Variants in FRMD5 observed in about 807,000 individuals in gnomAD.
The protein encoded by FRMD5 is FERM domain containing 5.
In FRMD5, 20 loss-of-function variants were observed where a neutral mutation model predicts 69.0. That is an observed-to-expected ratio of 0.29 (90% CI 0.20 to 0.42). The LOEUF (loss-of-function observed/expected upper bound fraction) is 0.42. FRMD5 is among the 10% of genes least tolerant of loss of function. The pLI is 1.00. For missense variants in FRMD5, 595 were observed against 708.6 expected, an observed-to-expected ratio of 0.84 and a Z score of 1.82; for synonymous variants, 271 against 260.1, an observed-to-expected ratio of 1.04 and a Z score of -0.40.
At chr15:44,094,978 A>ACTCACTGGACCCCT (rs1240318965) in intron 1 of FRMD5, among the ~76,000 whole-genome samples, 1 of 151,986 alleles carries the variant, frequency 6.6e-6, no homozygotes, top group African/African-American at 2.4e-5. Context: ...ACGATGCATT[A>ACTCACTGGACCCCT]CTCACTGGAC....
chr15:43,885,871 C>G, intron 10 of FRMD5, 116 bp from the exon 11 acceptor site: 1 of 777,912 alleles, frequency 1.3e-6, no homozygotes, highest in Non-Finnish European at 2.3e-6. Context: ...AAAAGCCCTT[C>G]ATAGTCCACA....
chr15:43,968,556 G>C (rs1239553526), intron 1 of FRMD5, among the ~76,000 whole-genome samples: 9 of 151,900 alleles, frequency 5.9e-5, no homozygotes, highest in Non-Finnish European at 1.3e-4. Context: ...TTTTTTCCAA[G>C]CTGGAAAGAT....
chr15:44,121,091 A>C (rs943847302), intron 1 of FRMD5, among the ~76,000 whole-genome samples: 4 of 152,172 alleles, frequency 2.6e-5, no homozygotes, highest in African/African-American at 9.7e-5. Flanking sequence ...GGAAGGAAAA[A>C]AGAAGCTGCA....
At chr15:44,147,486 A>G (rs2077375179) in intron 1 of FRMD5, among the ~76,000 whole-genome samples, 1 of 152,192 alleles carries the variant, frequency 6.6e-6, no homozygotes, top group Non-Finnish European at 1.5e-5. Context: ...TGAATTTTAA[A>G]GTAGTTTTTC....
intron 1 of FRMD5, among the ~76,000 whole-genome samples, chr15:43,996,920 C>T (rs1889958965): frequency 6.6e-6 from 1 of 151,916 alleles, no homozygotes; most frequent in Non-Finnish European, 1.5e-5. Flanking sequence ...CAGTGTCAAC[C>T]TTGGCTATAT....
intron 1 of FRMD5, among the ~76,000 whole-genome samples, chr15:43,984,210 T>G (rs1004565068): frequency 2.0e-5 from 3 of 152,232 alleles, no homozygotes; most frequent in African/African-American, 7.2e-5. Context: ...CAGACTCATT[T>G]CACTCTGTCA....
chr15:44,009,647 C>G (rs1448362903), intron 1 of FRMD5, among the ~76,000 whole-genome samples: 1 of 152,054 alleles, frequency 6.6e-6, no homozygotes, highest in African/African-American at 2.4e-5. Flanking sequence ...CCACTGCACT[C>G]TAGCCTAAGT....
At chr15:44,029,169 T>C (rs967131067) in intron 1 of FRMD5, among the ~76,000 whole-genome samples, 1 of 152,174 alleles carries the variant, frequency 6.6e-6, no homozygotes, top group Non-Finnish European at 1.5e-5. Context: ...ACAATGCCAG[T>C]TCCATTTTGG....
intron 1 of FRMD5, among the ~76,000 whole-genome samples, chr15:43,962,150 A>G (rs1483301280): frequency 2.0e-5 from 3 of 152,228 alleles, no homozygotes; most frequent in African/African-American, 7.2e-5. Flanking sequence ...GTATATCTAC[A>G]AAACCCCACC....
At chr15:43,965,857 G>A (rs2090286953) in intron 1 of FRMD5, among the ~76,000 whole-genome samples, 1 of 151,858 alleles carries the variant, frequency 6.6e-6, no homozygotes, top group Admixed American at 6.6e-5. Context: ...TGGGATTACA[G>A]GCGTGAGCCA....
chr15:44,127,075 T>A (rs960874145), intron 1 of FRMD5, among the ~76,000 whole-genome samples: 3 of 152,214 alleles, frequency 2.0e-5, no homozygotes, highest in Non-Finnish European at 4.4e-5. Context: ...ACATGTTTCA[T>A]ATAGTCATTT....
chr15:44,094,512 A>G (rs1025102842), intron 1 of FRMD5, among the ~76,000 whole-genome samples: 2 of 152,328 alleles, frequency 1.3e-5, no homozygotes, highest in East Asian at 3.9e-4. Context: ...CCCACTAAAC[A>G]GTGTGTTGGA....
intron 1 of FRMD5, among the ~76,000 whole-genome samples, chr15:43,935,766 C>CTT (rs2089750399): frequency 6.6e-6 from 1 of 152,194 alleles, no homozygotes; most frequent in Non-Finnish European, 1.5e-5. Flanking sequence ...TCCCTGTCAT[C>CTT]TTCTGTGCCT....
intron 1 of FRMD5, among the ~76,000 whole-genome samples, chr15:44,015,627 T>C (rs1890922559): frequency 6.6e-6 from 1 of 152,182 alleles, no homozygotes; most frequent in Non-Finnish European, 1.5e-5. Context: ...TCCAAACAAA[T>C]GTCCTTTGGA....
chr15:43,996,166 C>T (rs1039069655), intron 1 of FRMD5, among the ~76,000 whole-genome samples: 1 of 151,482 alleles, frequency 6.6e-6, no homozygotes. Flanking sequence ...ACTAGGTCTG[C>T]AGGGGCTGGC....
intron 1 of FRMD5, among the ~76,000 whole-genome samples, chr15:44,036,134 C>G (rs1891899539): frequency 1.3e-5 from 2 of 152,248 alleles, no homozygotes; most frequent in South Asian, 2.1e-4. Flanking sequence ...CACTTGTCAA[C>G]AGGATCAAAA....
chr15:43,942,520 C>T (rs78972603), intron 1 of FRMD5, among the ~76,000 whole-genome samples: 2,587 of 152,194 alleles, frequency 0.017, 37 homozygotes, highest in Non-Finnish European at 0.023. Flanking sequence ...GTTTTATAAC[C>T]CTCTTCTCCC....
At chr15:44,084,813 T>G (rs1276332540) in intron 1 of FRMD5, among the ~76,000 whole-genome samples, 3 of 152,110 alleles carry the variant, frequency 2.0e-5, no homozygotes, top group African/African-American at 7.2e-5. Context: ...TTGTTATATC[T>G]CTAGTGAAAA....
At chr15:44,122,845 C>A (rs1432808009) in intron 1 of FRMD5, among the ~76,000 whole-genome samples, 1 of 151,568 alleles carries the variant, frequency 6.6e-6, no homozygotes, top group Non-Finnish European at 1.5e-5. Context: ...GAGCTGAGAT[C>A]GTGCCACTGC....
Sources: gnomAD v4.1 joint callset for allele counts (sites outside exome capture counted in the v4.1 genomes callset) on GRCh38, gnomAD v4.1.1 for gene constraint, MANE v1.5 for transcripts, NCBI Gene and HGNC (gene_info 2026-07-23, HGNC 2026-07-21) for gene names.